The following SLC25A6 variants were observed in gnomAD, a reference collection of about 807,000 sequenced individuals.
SLC25A6 encodes the protein solute carrier family 25 member 6, also known as ADP/ATP translocase 3.
A neutral mutation model predicts 25.7 loss-of-function variants in SLC25A6; 9 were observed. That is an observed-to-expected ratio of 0.35 (90% CI 0.21 to 0.61). The LOEUF is 0.61. Among genes scored for constraint, SLC25A6 ranks in the 20% least tolerant of loss-of-function variants. The probability of loss-of-function intolerance (pLI) is 0.76; values close to 1 mark genes in which losing one functional copy is unlikely to be tolerated. For missense variants in SLC25A6, 404 were observed against 440.5 expected, an observed-to-expected ratio of 0.92 and a Z score of 0.74; for synonymous variants, 223 against 197.0, an observed-to-expected ratio of 1.13 and a Z score of -1.11.
At chrX:1,388,159 G>A (rs2089351697) in intron 2 of SLC25A6, among the ~76,000 whole-genome samples, 1 of 151,986 alleles carries the variant, frequency 6.6e-6, no homozygotes. Context: ...GACCCTGTGA[G>A]GACACAGGGA....
rs750248666 is a variant in SLC25A6 at position 1,387,370 on chromosome X, G to A, written c.648C>T (p.Ile216=). 69 of 1,613,210 alleles carry A rather than the reference G, an allele frequency of 4.3e-5. No homozygotes were observed. Among genetic ancestry groups the A allele is most frequent in the South Asian group, 8.8e-5 (8 of 91,064 alleles). ...CGGCCACGGCCGTCACGGTCTGCGC[G>A]ATCATCCAGCTCACCACGATGTGCG... ...KNTHIVVSWM[I]AQTVTAVAGV... is the part of the protein sequence containing the mutation. Residue 216 remains isoleucine, a synonymous_variant, in exon 3 of 4, where the codon ATC becomes ATT. Coordinates refer to ENST00000381401, the MANE Select transcript of SLC25A6 (RefSeq NM_001636.4).
At chrX:1,387,467 C>G (rs754876430) in intron 2 of SLC25A6, 48 bp from the exon 3 acceptor site, 2 of 1,603,542 alleles carry the variant, frequency 1.2e-6, no homozygotes, top group South Asian at 1.1e-5. Context: ...CACGGCCACC[C>G]GAGACCAGGG....
intron 2 of SLC25A6, among the ~76,000 whole-genome samples, chrX:1,388,869 C>A (rs1240189783): frequency 6.6e-6 from 1 of 151,382 alleles, no homozygotes; most frequent in African/African-American, 2.4e-5. Flanking sequence ...AAGACGGCAT[C>A]TACAAGCCTA....
rs757183699 is a variant in SLC25A6 at position 1,386,496 on chromosome X, A to G, written c.*106T>C. 3 of 1,329,558 alleles carry G rather than the reference A, an allele frequency of 2.3e-6. No individual in the cohort carries two copies. Among genetic ancestry groups the G allele is most frequent in the Admixed American group, 3.0e-5 (1 of 33,058 alleles). The allele number at this position is 1,329,558 out of a possible 1,614,324, so 82.4% of individuals were successfully genotyped here. On this transcript the variant is annotated 3_prime_UTR_variant, in exon 4 of 4. Coordinates refer to ENST00000381401, the MANE Select transcript of SLC25A6 (RefSeq NM_001636.4). ...TACAGGCAGGATGCGGCTGGGAAAA[A>G]GACAACTGGAATTTCTCGAAGGTTG...
intron 2 of SLC25A6, 56 bp from the exon 3 acceptor site, chrX:1,387,475 G>C: frequency 6.3e-7 from 1 of 1,599,714 alleles, no homozygotes; most frequent in Non-Finnish European, 8.5e-7. Context: ...CCCGAGACCA[G>C]GGTCGGCCCC....
intron 2 of SLC25A6, among the ~76,000 whole-genome samples, chrX:1,387,784 T>C (rs2089345195): frequency 6.7e-6 from 1 of 148,336 alleles, no homozygotes; most frequent in African/African-American, 2.5e-5. Flanking sequence ...CCCCAGGACC[T>C]CAGGATGCAA....
chrX:1,390,800 GC>G (rs2089394592), intron 1 of SLC25A6, among the ~76,000 whole-genome samples: 2 of 149,674 alleles, frequency 1.3e-5, no homozygotes, highest in East Asian at 2.0e-4. Context: ...GGGACACCCC[GC>G]CCTGCTAAGT....
At chrX:1,389,001 T>C (rs1406373752) in intron 2 of SLC25A6, among the ~76,000 whole-genome samples, 2 of 150,618 alleles carry the variant, frequency 1.3e-5, no homozygotes, top group African/African-American at 2.5e-5. Flanking sequence ...TATTCTGTGA[T>C]AGCAGCCTGA....
intron 1 of SLC25A6, 66 bp from the exon 2 acceptor site, chrX:1,389,793 G>T: frequency 6.4e-7 from 1 of 1,574,692 alleles, no homozygotes; most frequent in East Asian, 2.3e-5. Flanking sequence ...CCCAGCTACA[G>T]GGTGCATCCT....
rs772689092 is a variant in SLC25A6, at chrX:1,392,020, C to T, written c.-11G>A. 5.0e-6 allele frequency: 8 copies of T among 1,595,190 alleles called. No individual in the cohort carries two copies. The East Asian group carries it at 1.4e-4, about 27-fold the overall frequency. On this transcript the variant is annotated 5_prime_UTR_variant, in exon 1 of 4. Transcript: ENST00000381401. ...GGCCTGTTCCGTCATGGTGGCAGGG[C>T]GGGCAGCGGAACGGGAGGACAGCCG... is the stretch of plus-strand genomic sequence containing the variant.
Position 1,387,409 on chromosome X carries a change from G to T in SLC25A6, c.609C>A (p.Pro203=). ...CCACGATGTGCGTGTTCTTGGGGTCGGGGAGCATGCCTGCGCGGGAACGGC... is the reference window on the plus strand; with the variant it reads ...CCACGATGTGCGTGTTCTTGGGGTCTGGGAGCATGCCTGCGCGGGAACGGC... ...GVYDTAKGML[P]DPKNTHIVVS... Residue 203 remains proline (P), a synonymous_variant, in exon 3 of 4, where the codon CCC becomes CCA. Transcript: ENST00000381401. The T allele has an allele frequency of 6.2e-7, 1 of 1,612,780 alleles. No homozygotes were observed. Among genetic ancestry groups the T allele is most frequent in the Non-Finnish European group, 8.5e-7 (1 of 1,179,664 alleles).
chrX:1,386,576 T>C lies in SLC25A6; in HGVS notation c.*26A>G, dbSNP rs770423913. The C allele has an allele frequency of 6.6e-7, 1 of 1,520,460 alleles. No homozygotes were observed. The highest frequency in any genetic ancestry group is 1.3e-5 in the South Asian group (1 of 76,040). The allele number at this position is 1,520,460 out of a possible 1,614,324, so 94.2% of individuals were successfully genotyped here. A position where few individuals can be genotyped will look rare whatever the true frequency, so the allele number is the denominator to read the frequency against. On this transcript the variant is annotated 3_prime_UTR_variant, in exon 4 of 4. Coordinates refer to ENST00000381401, the MANE Select transcript of SLC25A6 (RefSeq NM_001636.4). ...GTTCTCTTGGTTCCCCTGGTGTGTG[T>C]GTGTGTGTGGAGGAGGCCGCGGCCC...
chrX:1,391,300 TACA>T (rs1210297063), intron 1 of SLC25A6, among the ~76,000 whole-genome samples: 1 of 151,964 alleles, frequency 6.6e-6, no homozygotes, highest in East Asian at 1.9e-4. Flanking sequence ...TCACTCGGAG[TACA>T]ACGTTAGCAA....
chrX:1,388,271 A>C (rs1257295290), intron 2 of SLC25A6, among the ~76,000 whole-genome samples: 1 of 151,254 alleles, frequency 6.6e-6, no homozygotes, highest in Non-Finnish European at 1.5e-5. Context: ...TGGAAGAATC[A>C]ATGTCTGTTG....
chrX:1,388,268 A>G (rs2089354221), intron 2 of SLC25A6, among the ~76,000 whole-genome samples: 1 of 150,802 alleles, frequency 6.6e-6, no homozygotes, highest in African/African-American at 2.4e-5. Flanking sequence ...TTATGGAAGA[A>G]TCAATGTCTG....
chrX:1,390,944 TAG>T (rs1321785272), intron 1 of SLC25A6, among the ~76,000 whole-genome samples: 2 of 151,772 alleles, frequency 1.3e-5, no homozygotes, highest in African/African-American at 4.8e-5. Context: ...AAAATTTTCT[TAG>T]AGATGGGGTC....
At position 1,386,601 on chromosome X, in the gene SLC25A6, C is replaced by G; in HGVS notation, c.*1G>C. 1 of 1,557,020 alleles carries G rather than the reference C, an allele frequency of 6.4e-7. No homozygotes were observed. The highest frequency in any genetic ancestry group is 8.7e-7 in the Non-Finnish European group (1 of 1,155,136). On this transcript the variant is annotated 3_prime_UTR_variant, in exon 4 of 4. Transcript: ENST00000381401. ...TGTGTGTGTGGAGGAGGCCGCGGCC[C>G]TTAGATCACCTTCTTGAGCTCGTCG...
chrX:1,386,902 C>T (rs1250722333), intron 3 of SLC25A6, 143 bp from the exon 4 acceptor site: 4 of 1,038,186 alleles, frequency 3.9e-6, no homozygotes, highest in East Asian at 4.9e-5. Flanking sequence ...ATACCTGAGG[C>T]TCCCCCAGCT....
Position 1,389,572 on chromosome X carries a change from G to A in SLC25A6, c.267C>T (p.Phe89=), listed in dbSNP as rs1143655. 4,485 of 1,614,166 alleles carry A rather than the reference G, an allele frequency of 2.8e-3. 131 individuals carry two copies. In the African/African-American group the frequency reaches 0.053, roughly 19 times the overall value. The change falls in exon 2 of 4, where the codon TTC becomes TTT. Residue 89 remains phenylalanine (F), a synonymous_variant. Coordinates refer to ENST00000381401, the MANE Select transcript of SLC25A6 (RefSeq NM_001636.4). ...IRYFPTQALN[F]AFKDKYKQIF... ...TCTGCTTGTACTTATCCTTGAAGGCGAAGTTGAGGGCTTGAGTGGGGAAGT... is the reference window on the plus strand; with the variant it reads ...TCTGCTTGTACTTATCCTTGAAGGCAAAGTTGAGGGCTTGAGTGGGGAAGT...
Sources: gnomAD v4.1 joint callset for allele counts (sites outside exome capture counted in the v4.1 genomes callset) on GRCh38, gnomAD v4.1.1 for gene constraint, MANE v1.5 for transcripts, NCBI Gene and HGNC (gene_info 2026-07-23, HGNC 2026-07-21) for gene names.